The following C9orf152 variants were observed in gnomAD, a reference collection of about 807,000 sequenced individuals.
The protein encoded by C9orf152 is chromosome 9 open reading frame 152.
In C9orf152, 8 loss-of-function variants were observed where a neutral mutation model predicts 8.5. That is an observed-to-expected ratio of 0.94 (90% CI 0.55 to 1.70). C9orf152 has a LOEUF of 1.70. Ranked by LOEUF, C9orf152 falls within the 40% of genes most tolerant of loss-of-function variation. C9orf152 has a pLI of 0.00. For synonymous variants in C9orf152, 109 were observed against 113.0 expected, an observed-to-expected ratio of 0.96 and a Z score of 0.22; for missense variants, 293 against 286.2, an observed-to-expected ratio of 1.02 and a Z score of -0.17.
In C9orf152 at chr9:110,207,685, G is replaced by T. The variant is rs1837293186; in HGVS notation, c.-106C>A. The T allele has an allele frequency of 4.9e-6, 4 of 821,702 alleles. No homozygotes were observed. In the South Asian group the frequency reaches 5.9e-5, roughly 12 times the overall value. The allele number at this position is 821,702 out of a possible 1,614,324, so 50.9% of individuals were successfully genotyped here. ...GAAGGAGAAGTGACGGGCAAAAGGAGGGTGGAAAGAGGAGTGGGACTGAGG... is the reference window on the plus strand; with the variant it reads ...GAAGGAGAAGTGACGGGCAAAAGGATGGTGGAAAGAGGAGTGGGACTGAGG... On this transcript the variant is annotated 5_prime_UTR_variant, in exon 1 of 2. Transcript: ENST00000400613.
chr9:110,207,357 T>C (rs1377743631), intron 1 of C9orf152, 30 bp downstream of exon 1: 3 of 1,599,876 alleles, frequency 1.9e-6, no homozygotes, highest in Non-Finnish European at 2.6e-6. Flanking sequence ...ATGGTAAGTC[T>C]CTCCTTCCCC....
chr9:110,203,687 TG>T (rs1837245157), intron 1 of C9orf152, among the ~76,000 whole-genome samples: 1 of 152,198 alleles, frequency 6.6e-6, no homozygotes, highest in Non-Finnish European at 1.5e-5. Context: ...GTTTTTTATC[TG>T]TTTTGTTTTG....
chr9:110,200,188 A>G lies in C9orf152; in HGVS notation c.*760T>C, dbSNP rs200570022. 3.0e-4 allele frequency: 38 copies of G among 126,082 alleles called. No homozygotes were observed. Among genetic ancestry groups the G allele is most frequent in the Non-Finnish European group, 3.1e-4 (18 of 58,376 alleles). 7.8% of individuals were successfully genotyped at this position (126,082 alleles called of 1,614,324 possible). On this transcript the variant is annotated 3_prime_UTR_variant, in exon 2 of 2. Transcript: ENST00000400613. ...GAAAGAAAGAAGGAAAGAAGGGAGG[A>G]AGGGAGGGAGGGAGGGAGAGACAGA... is the stretch of plus-strand genomic sequence containing the variant.
At chr9:110,206,951 A>T (rs1314641129) in intron 1 of C9orf152, among the ~76,000 whole-genome samples, 1 of 152,160 alleles carries the variant, frequency 6.6e-6, no homozygotes, top group African/African-American at 2.4e-5. Flanking sequence ...GGGATGCCTC[A>T]TGGGTCTCTG....
rs2118497188 is a variant in C9orf152 at position 110,201,068 on chromosome 9, A to G, written c.600T>C (p.Cys200=). 6.2e-7 allele frequency: 1 copy of G among 1,614,200 alleles called. No individual in the cohort carries two copies. The highest frequency in any genetic ancestry group is 2.2e-5 in the East Asian group (1 of 44,884). The change falls in exon 2 of 2, where the codon TGT becomes TGC. Residue 200 remains cysteine, a synonymous_variant. Coordinates refer to ENST00000400613, the MANE Select transcript of C9orf152 (RefSeq NM_001012993.3). ...TGTGTGGGTTCTTTATGGAAAGAGGACATTGAGTGCTGAATTTTAAGCCAG... is the reference window on the plus strand; with the variant it reads ...TGTGTGGGTTCTTTATGGAAAGAGGGCATTGAGTGCTGAATTTTAAGCCAG... ...VESGLKFSTQ[C]PLSIKNPHRS...
chr9:110,207,719 A>G lies in C9orf152; in HGVS notation c.-140T>C, dbSNP rs1442087759. On this transcript the variant is annotated 5_prime_UTR_variant, in exon 1 of 2. Coordinates refer to ENST00000400613, the MANE Select transcript of C9orf152 (RefSeq NM_001012993.3). Reference sequence around the variant, plus strand: ...GAGGAGTGGGACTGAGGAAGGAGATAGAAAAATAAGGGGGAAGGAGAAAGA... The same window carrying G: ...GAGGAGTGGGACTGAGGAAGGAGATGGAAAAATAAGGGGGAAGGAGAAAGA... The G allele has an allele frequency of 1.6e-5, 9 of 576,534 alleles. No homozygotes were observed. Among genetic ancestry groups the G allele is most frequent in the Non-Finnish European group, 2.6e-5 (9 of 343,266 alleles). The allele number at this position is 576,534 out of a possible 1,614,324, so 35.7% of individuals were successfully genotyped here. A position where few individuals can be genotyped will look rare whatever the true frequency, so the allele number is the denominator to read the frequency against.
rs560980326 is a variant in C9orf152 at position 110,205,707 on chromosome 9, C to G, written c.193+1680G>C. On this transcript the variant is annotated intron_variant, in intron 1 of 1. Coordinates refer to ENST00000400613, the MANE Select transcript of C9orf152 (RefSeq NM_001012993.3). ...CTGGGACTCAAACTCAGGCTGTGCT[C>G]CAAGACCCAGTACATGACCACTCCA... Among the ~76,000 whole-genome samples, 11 of 152,256 alleles carry G rather than the reference C, an allele frequency of 7.2e-5. No homozygotes were observed. The South Asian group carries it at 2.3e-3, about 32-fold the overall frequency.
At chr9:110,206,820 G>A (rs1034546201) in intron 1 of C9orf152, among the ~76,000 whole-genome samples, 1 of 152,194 alleles carries the variant, frequency 6.6e-6, no homozygotes, top group Non-Finnish European at 1.5e-5. Flanking sequence ...TCTGAGCCCT[G>A]TGCCTCTAAC....
At chr9:110,203,011 C>CTTTT (rs557519165) in intron 1 of C9orf152, among the ~76,000 whole-genome samples, 1 of 98,670 alleles carries the variant, frequency 1.0e-5, no homozygotes, top group Non-Finnish European at 1.9e-5. Context: ...GAAGAAAACA[C>CTTTT]TTTTTTTTTT....
At position 110,199,847 on chromosome 9, in the gene C9orf152, C is replaced by G. The variant is rs538451475; in HGVS notation, c.*1101G>C. 1.3e-5 allele frequency: 2 copies of G among 152,266 alleles called. No homozygotes were observed. The highest frequency in any genetic ancestry group is 4.1e-4 in the South Asian group (2 of 4,824). 9.4% of individuals were successfully genotyped at this position (152,266 alleles called of 1,614,324 possible). On this transcript the variant is annotated 3_prime_UTR_variant, in exon 2 of 2. Coordinates refer to ENST00000400613, the MANE Select transcript of C9orf152 (RefSeq NM_001012993.3). ...CCTTAGGTGTGTTTAAATAGCATTA[C>G]AAAAGCTAAACATTAACCAGGAAAT... is the stretch of plus-strand genomic sequence containing the variant.
At position 110,200,107 on chromosome 9, in the gene C9orf152, G is replaced by C. The variant is rs181281943; in HGVS notation, c.*841C>G. ...TTAATAAGAACTTAATTTGCAGAGA[G>C]AGAGAGAGAGAAAAGATAGGCAGGA... On this transcript the variant is annotated 3_prime_UTR_variant, in exon 2 of 2. Transcript: ENST00000400613. 8.7e-5 allele frequency: 13 copies of C among 149,272 alleles called. No individual in the cohort carries two copies. Among genetic ancestry groups the C allele is most frequent in the African/African-American group, 2.9e-4 (12 of 40,700 alleles). 9.2% of individuals were successfully genotyped at this position (149,272 alleles called of 1,614,324 possible).
intron 1 of C9orf152, among the ~76,000 whole-genome samples, chr9:110,203,011 CTTTTT>C (rs557519165): frequency 1.0e-5 from 1 of 98,664 alleles, no homozygotes; most frequent in African/African-American, 4.2e-5. Flanking sequence ...GAAGAAAACA[CTTTTT>C]TTTTTTTTTT....
In C9orf152 at chr9:110,201,017, T is replaced by C. The variant is rs1441629455; in HGVS notation, c.651A>G (p.Pro217=). 2.5e-6 allele frequency: 4 copies of C among 1,613,962 alleles called. No individual in the cohort carries two copies. In the African/African-American group the frequency reaches 4.0e-5, roughly 16 times the overall value. The change falls in exon 2 of 2, where the codon CCA becomes CCG. Residue 217 remains proline (P), a synonymous_variant. Coordinates refer to ENST00000400613, the MANE Select transcript of C9orf152 (RefSeq NM_001012993.3). ...TCCTGGGTGTTTTCCTCTGGGGAAATGGATAGTAAGCTGGTTTGCCAGACC... is the reference window on the plus strand; with the variant it reads ...TCCTGGGTGTTTTCCTCTGGGGAAACGGATAGTAAGCTGGTTTGCCAGACC... The part of the protein sequence containing the change: ...PHRSGKPAYY[P]FPQRKTPRIS...
At chr9:110,202,454 C>G (rs951833028) in intron 1 of C9orf152, among the ~76,000 whole-genome samples, 8 of 152,158 alleles carry the variant, frequency 5.3e-5, no homozygotes, top group African/African-American at 1.7e-4. Flanking sequence ...TGAAGCAGCT[C>G]CCTTTAGAGA....
At chr9:110,201,599 T>G in intron 1 of C9orf152, 125 bp from the exon 2 acceptor site, 1 of 634,180 alleles carries the variant, frequency 1.6e-6, no homozygotes, top group Non-Finnish European at 2.6e-6. Flanking sequence ...ACATTTCATG[T>G]GTGTACATGT....
chr9:110,204,010 C>T (rs1837248742), intron 1 of C9orf152, among the ~76,000 whole-genome samples: 1 of 152,136 alleles, frequency 6.6e-6, no homozygotes, highest in Non-Finnish European at 1.5e-5. Context: ...CACTGACTCA[C>T]TAGGAGACCC....
rs920672018 is a variant in C9orf152, at chr9:110,207,399, C to T, written c.181G>A (p.Val61Met). The change falls in exon 1 of 2, where the codon GTG (valine) becomes ATG (methionine). Residue 61 changes from valine (V) to methionine (M), a missense_variant. Coordinates refer to ENST00000400613, the MANE Select transcript of C9orf152 (RefSeq NM_001012993.3). ...RQQRTQAHLL[V>M]LPKGGNTPAP... ...TGTCCATTCCTACCTTTTGGAAGCA[C>T]CAGGAGGTGGGCCTGGGTCCTCTGC... 1.2e-6 allele frequency: 2 copies of T among 1,612,156 alleles called. No individual in the cohort carries two copies. Among genetic ancestry groups the T allele is most frequent in the Admixed American group, 3.3e-5 (2 of 59,730 alleles).
At position 110,205,120 on chromosome 9, in the gene C9orf152, G is replaced by A. The variant is rs144531940; in HGVS notation, c.193+2267C>T. 3.7e-3 allele frequency among the ~76,000 whole-genome samples: 561 copies of A among 152,134 alleles called. 11 individuals are homozygous for A. In the South Asian group the frequency reaches 0.039, roughly 11 times the overall value. Reference sequence around the variant, plus strand: ...ATGGATTTGCCACAGTTTTATCCATGCCCATGGCTTCAGCTACCATCTATA... The same window carrying A: ...ATGGATTTGCCACAGTTTTATCCATACCCATGGCTTCAGCTACCATCTATA... On this transcript the variant is annotated intron_variant, in intron 1 of 1. Transcript: ENST00000400613.
chr9:110,206,622 G>A (rs949112391), intron 1 of C9orf152, among the ~76,000 whole-genome samples: 1 of 152,204 alleles, frequency 6.6e-6, no homozygotes, highest in Non-Finnish European at 1.5e-5. Flanking sequence ...AGACAGAGAG[G>A]TCCCTCTGGC....
Sources: gnomAD v4.1 joint callset for allele counts (sites outside exome capture counted in the v4.1 genomes callset) on GRCh38, gnomAD v4.1.1 for gene constraint, MANE v1.5 for transcripts, NCBI Gene and HGNC (gene_info 2026-07-23, HGNC 2026-07-21) for gene names.